Variants in PTPRC observed in about 807,000 individuals in gnomAD.
The protein encoded by PTPRC is receptor-type tyrosine-protein phosphatase C.
PTPRC carries 44 observed loss-of-function variants against 155.9 expected under a neutral mutation model. The ratio of observed to expected loss-of-function variants is 0.28; its 90% CI spans 0.22 to 0.36. The LOEUF is 0.36. Ranked by LOEUF, PTPRC falls within the 10% of genes least tolerant of loss-of-function variation. The probability of loss-of-function intolerance (pLI) is 1.00; values close to 1 mark genes in which losing one functional copy is unlikely to be tolerated. For missense variants in PTPRC, 1,401 were observed against 1,564.6 expected, an observed-to-expected ratio of 0.90 and a Z score of 1.76; for synonymous variants, 525 against 533.1, an observed-to-expected ratio of 0.98 and a Z score of 0.21.
In PTPRC at chr1:198,732,471, C is replaced by G. The variant is rs1318006402; in HGVS notation, c.2066-9C>G. ...ATTTCACTTGTTTATTTTTCTTTTC[C>G]TTAAACAGATGATTATAACCGTGTT... is the stretch of plus-strand genomic sequence containing the variant. On this transcript the variant is annotated splice_polypyrimidine_tract_variant and intron_variant, in intron 19 of 32. Coordinates refer to ENST00000442510, the MANE Select transcript of PTPRC (RefSeq NM_002838.5). The G allele has an allele frequency of 1.2e-6, 2 of 1,609,804 alleles. No homozygotes were observed. Among genetic ancestry groups the G allele is most frequent in the Non-Finnish European group, 1.7e-6 (2 of 1,177,096 alleles).
chr1:198,708,331 T>C, intron 10 of PTPRC, 70 bp downstream of exon 10: 1 of 1,454,776 alleles, frequency 6.9e-7, no homozygotes, highest in Non-Finnish European at 9.5e-7. Context: ...TATTTAATCT[T>C]ACTCTCTGCC....
chr1:198,658,184 T>C (rs2102240469), intron 2 of PTPRC, among the ~76,000 whole-genome samples: 1 of 152,334 alleles, frequency 6.6e-6, no homozygotes, highest in East Asian at 1.9e-4. Flanking sequence ...GTATAGGCAG[T>C]GCCTATCGTT....
intron 26 of PTPRC, among the ~76,000 whole-genome samples, chr1:198,744,448 C>T (rs971971142): frequency 6.6e-6 from 1 of 151,826 alleles, no homozygotes; most frequent in African/African-American, 2.4e-5. Context: ...TTTAGCCATT[C>T]CTCATTAAGC....
At chr1:198,643,867 CA>C (rs1270918533) in intron 2 of PTPRC, among the ~76,000 whole-genome samples, 10 of 151,998 alleles carry the variant, frequency 6.6e-5, no homozygotes, top group African/African-American at 2.4e-4. Context: ...CTTGCAAGGG[CA>C]GATGGAATAT....
chr1:198,647,355 C>A (rs1373567278), intron 2 of PTPRC, among the ~76,000 whole-genome samples: 2 of 151,870 alleles, frequency 1.3e-5, no homozygotes, highest in Non-Finnish European at 1.5e-5. Context: ...TCCTCAGTAC[C>A]TGTTTGCTGA....
intron 3 of PTPRC, chr1:198,694,267 T>C: frequency 1.2e-6 from 1 of 840,258 alleles, no homozygotes; most frequent in Non-Finnish European, 1.5e-6. Context: ...TTCTTGTGCC[T>C]GCTTTTTCTA....
At chr1:198,683,522 A>G (rs1471540535) in intron 2 of PTPRC, among the ~76,000 whole-genome samples, 1 of 152,148 alleles carries the variant, frequency 6.6e-6, no homozygotes, top group African/African-American at 2.4e-5. Flanking sequence ...TAATATGGGA[A>G]CAAACCTATT....
chr1:198,735,076 A>G, intron 22 of PTPRC, 51 bp from the exon 23 acceptor site: 8 of 1,461,804 alleles, frequency 5.5e-6, no homozygotes, highest in Non-Finnish European at 7.4e-6. Flanking sequence ...GTTTGATAAA[A>G]AATTGGCTTA....
At chr1:198,721,946 G>A (rs1259945217) in intron 14 of PTPRC, among the ~76,000 whole-genome samples, 1 of 151,220 alleles carries the variant, frequency 6.6e-6, no homozygotes, top group East Asian at 1.9e-4. Flanking sequence ...ATGAGACACA[G>A]GTGTTTATGC....
At chr1:198,658,874 C>G (rs901853463) in intron 2 of PTPRC, among the ~76,000 whole-genome samples, 1 of 151,778 alleles carries the variant, frequency 6.6e-6, no homozygotes, top group African/African-American at 2.4e-5. Flanking sequence ...GAGTAAGAAT[C>G]TTTAGAAGAA....
chr1:198,702,169 G>A (rs1053910678), intron 5 of PTPRC, among the ~76,000 whole-genome samples: 2 of 152,206 alleles, frequency 1.3e-5, no homozygotes, highest in South Asian at 2.1e-4. Context: ...TTATGAAGCT[G>A]CATAGGTTTC....
intron 2 of PTPRC, among the ~76,000 whole-genome samples, chr1:198,654,528 T>A (rs952012505): frequency 4.0e-5 from 6 of 151,790 alleles, no homozygotes; most frequent in Non-Finnish European, 8.8e-5. Flanking sequence ...TCTCTTTTTA[T>A]CTGTTGTCCT....
chr1:198,757,127 TATG>T lies in PTPRC; in HGVS notation c.*949_*951del, dbSNP rs1655720057. The T allele has an allele frequency of 6.6e-6, 1 of 151,876 alleles. No individual in the cohort carries two copies. The highest frequency in any genetic ancestry group is 2.1e-4 in the South Asian group (1 of 4,830). The allele number at this position is 151,876 out of a possible 1,614,324, so 9.4% of individuals were successfully genotyped here. ...TGGAATTTTTCATTGATATGAAAAA[TATG>T]ATATTGCATATGCATAGTTCCCATG... On this transcript the variant is annotated 3_prime_UTR_variant, in exon 33 of 33. Coordinates refer to ENST00000442510, the MANE Select transcript of PTPRC (RefSeq NM_002838.5).
At chr1:198,677,803 A>C (rs1665044869) in intron 2 of PTPRC, among the ~76,000 whole-genome samples, 1 of 152,198 alleles carries the variant, frequency 6.6e-6, no homozygotes, top group Non-Finnish European at 1.5e-5. Flanking sequence ...AGATTTTATG[A>C]TTATGGCTCT....
chr1:198,640,259 A>G (rs1051542456), intron 2 of PTPRC, among the ~76,000 whole-genome samples: 3 of 152,038 alleles, frequency 2.0e-5, no homozygotes, highest in Non-Finnish European at 2.9e-5. Flanking sequence ...ATGATGTAGT[A>G]TCTAAAAGGA....
chr1:198,735,917 A>AAT (rs1004268124), intron 23 of PTPRC, among the ~76,000 whole-genome samples: 7 of 151,754 alleles, frequency 4.6e-5, no homozygotes, highest in African/African-American at 1.4e-4. Context: ...AATGTTCTAT[A>AAT]ATTAGATATT....
rs551171128 is a variant in PTPRC, at chr1:198,677,516, C to T, written c.74-14831C>T. Among the ~76,000 whole-genome samples, 37 of 151,676 alleles carry T rather than the reference C, an allele frequency of 2.4e-4. 1 individual carries two copies. In the South Asian group the frequency reaches 7.7e-3, roughly 32 times the overall value. On this transcript the variant is annotated intron_variant, in intron 2 of 32. Coordinates refer to ENST00000442510, the MANE Select transcript of PTPRC (RefSeq NM_002838.5). ...ATCTTCCTTTCCTACCTAACTCAAA[C>T]ATATCCCTCTTAACTTAGACATTAC... is the stretch of plus-strand genomic sequence containing the variant.
chr1:198,719,984 C>A (rs72738061), intron 14 of PTPRC, among the ~76,000 whole-genome samples: 2,052 of 152,098 alleles, frequency 0.013, 25 homozygotes, highest in Non-Finnish European at 0.016. Context: ...CTGGAAATGT[C>A]GGTTGGATTT....
intron 2 of PTPRC, among the ~76,000 whole-genome samples, chr1:198,653,330 C>T (rs994986281): frequency 1.3e-5 from 2 of 151,740 alleles, no homozygotes; most frequent in Admixed American, 6.6e-5. Context: ...AATTGTTATA[C>T]TGTTTAAGCA....
Sources: gnomAD v4.1 joint callset for allele counts (sites outside exome capture counted in the v4.1 genomes callset) on GRCh38, gnomAD v4.1.1 for gene constraint, MANE v1.5 for transcripts, NCBI Gene and HGNC (gene_info 2026-07-23, HGNC 2026-07-21) for gene names.